The following ASAP1 variants were observed in gnomAD, a reference collection of about 807,000 sequenced individuals.
The protein encoded by ASAP1 is arf-GAP with SH3 domain, ANK repeat and PH domain-containing protein 1.
Under a neutral mutation model 145.2 loss-of-function variants are expected in ASAP1, and 43 were observed. That is an observed-to-expected ratio of 0.30 (90% CI 0.23 to 0.38). The LOEUF (loss-of-function observed/expected upper bound fraction) is 0.38, where lower values mean the gene tolerates loss of function less well. Ranked by LOEUF, ASAP1 falls within the 10% of genes least tolerant of loss-of-function variation. ASAP1 has a pLI of 1.00. For synonymous variants in ASAP1, 546 were observed against 515.5 expected (o/e 1.06, Z -0.80); for missense variants, 1,018 against 1,355.3 (o/e 0.75, Z 3.91).
intron 1 of ASAP1, among the ~76,000 whole-genome samples, chr8:130,426,701 G>A (rs1829932391): frequency 6.6e-6 from 1 of 152,164 alleles, no homozygotes; most frequent in Non-Finnish European, 1.5e-5. Flanking sequence ...AAACTGCCGT[G>A]TGCTCACTCC....
chr8:130,075,946 A>G (rs2097461367), intron 27 of ASAP1, among the ~76,000 whole-genome samples: 1 of 152,122 alleles, frequency 6.6e-6, no homozygotes, highest in South Asian at 2.1e-4. Context: ...ACGAAGTATT[A>G]TTTTCCCCAT....
chr8:130,308,076 G>A (rs566243061), intron 3 of ASAP1, among the ~76,000 whole-genome samples: 1 of 152,262 alleles, frequency 6.6e-6, no homozygotes, highest in Admixed American at 6.5e-5. Flanking sequence ...AATTTATAAT[G>A]TTATCACAAG....
intron 3 of ASAP1, among the ~76,000 whole-genome samples, chr8:130,268,354 G>C (rs1820384174): frequency 6.6e-6 from 1 of 151,996 alleles, no homozygotes; most frequent in African/African-American, 2.4e-5. Flanking sequence ...AGGTGTGATA[G>C]TGTGCACCTG....
chr8:130,151,623 A>AC (rs1189522003), intron 13 of ASAP1, among the ~76,000 whole-genome samples: 1 of 152,162 alleles, frequency 6.6e-6, no homozygotes, highest in African/African-American at 2.4e-5. Flanking sequence ...GGGGCAAGGG[A>AC]CAGAGACAAT....
At chr8:130,159,497 C>T (rs1279482922) in intron 12 of ASAP1, among the ~76,000 whole-genome samples, 3 of 149,682 alleles carry the variant, frequency 2.0e-5, no homozygotes, top group Non-Finnish European at 4.4e-5. Flanking sequence ...TGGCAGGCGC[C>T]TGCAGTCCCA....
At chr8:130,417,619 GA>G (rs796254952) in intron 1 of ASAP1, among the ~76,000 whole-genome samples, 5,834 of 134,152 alleles carry the variant, frequency 0.043, 127 homozygotes, top group Middle Eastern at 0.075. Flanking sequence ...GGCTTCAGGG[GA>G]AAAAAAAAAA....
At chr8:130,061,685 G>C (rs2097420006) in intron 27 of ASAP1, among the ~76,000 whole-genome samples, 1 of 152,086 alleles carries the variant, frequency 6.6e-6, no homozygotes, top group African/African-American at 2.4e-5. Context: ...GTTACATTTT[G>C]GTGATACACA....
chr8:130,188,723 CAAAAAA>C (rs370580190), intron 5 of ASAP1, among the ~76,000 whole-genome samples: 4 of 83,844 alleles, frequency 4.8e-5, no homozygotes, highest in African/African-American at 1.9e-4. Flanking sequence ...GAGACTCTCT[CAAAAAA>C]AAAAAAAAAA....
chr8:130,266,640 A>G (rs1312818434), intron 3 of ASAP1, among the ~76,000 whole-genome samples: 1 of 152,098 alleles, frequency 6.6e-6, no homozygotes, highest in African/African-American at 2.4e-5. Flanking sequence ...ACAATCTACC[A>G]TGGGAGAGAA....
chr8:130,074,477 A>ACG (rs2097457545), intron 27 of ASAP1, among the ~76,000 whole-genome samples: 1 of 149,838 alleles, frequency 6.7e-6, no homozygotes, highest in East Asian at 2.0e-4. Context: ...ACACACACAC[A>ACG]CACACACACA....
chr8:130,167,735 T>A, intron 10 of ASAP1, 113 bp from the exon 11 acceptor site: 1 of 730,172 alleles, frequency 1.4e-6, no homozygotes, highest in Non-Finnish European at 2.3e-6. Flanking sequence ...GTTTTCTTAC[T>A]AAAAGTCCTT....
intron 1 of ASAP1, among the ~76,000 whole-genome samples, chr8:130,406,269 A>C (rs949484722): frequency 6.6e-6 from 1 of 152,158 alleles, no homozygotes; most frequent in Non-Finnish European, 1.5e-5. Context: ...TTCATTCATT[A>C]TTCTTAAATT....
chr8:130,208,913 A>G (rs756271749), intron 5 of ASAP1, among the ~76,000 whole-genome samples: 30 of 152,032 alleles, frequency 2.0e-4, no homozygotes, highest in Non-Finnish European at 3.5e-4. Flanking sequence ...CATTTCATCT[A>G]TTTGCCATCC....
At chr8:130,190,510 T>C (rs1296065562) in intron 5 of ASAP1, among the ~76,000 whole-genome samples, 1 of 152,120 alleles carries the variant, frequency 6.6e-6, no homozygotes, top group Admixed American at 6.5e-5. Flanking sequence ...CACTGATTTA[T>C]GCATTTATTT....
chr8:130,385,779 C>A (rs1001804783), intron 2 of ASAP1, among the ~76,000 whole-genome samples: 1 of 152,248 alleles, frequency 6.6e-6, no homozygotes, highest in Non-Finnish European at 1.5e-5. Flanking sequence ...ACTCTCCCTA[C>A]ATCCAGTTAC....
At chr8:130,188,723 C>CAAAAA (rs370580190) in intron 5 of ASAP1, among the ~76,000 whole-genome samples, 931 of 81,792 alleles carry the variant, frequency 0.011, no homozygotes, top group Non-Finnish European at 0.012. Context: ...GAGACTCTCT[C>CAAAAA]AAAAAAAAAA....
intron 3 of ASAP1, among the ~76,000 whole-genome samples, chr8:130,297,376 G>A (rs917603668): frequency 2.0e-5 from 3 of 152,142 alleles, no homozygotes; most frequent in African/African-American, 4.8e-5. Context: ...TTCAATCCAC[G>A]TTTGGCTGAA....
intron 3 of ASAP1, among the ~76,000 whole-genome samples, chr8:130,241,368 C>T (rs765039258): frequency 5.9e-5 from 9 of 152,060 alleles, no homozygotes; most frequent in Non-Finnish European, 1.2e-4. Context: ...TTTGCTTTTA[C>T]GGTATTTTTC....
At chr8:130,202,719 G>A in intron 5 of ASAP1, among the ~76,000 whole-genome samples, 1 of 152,182 alleles carries the variant, frequency 6.6e-6, no homozygotes, top group East Asian at 1.9e-4. Flanking sequence ...AGGAATGAAT[G>A]AGTGAATGAA....
Sources: allele counts gnomAD v4.1 joint callset (sites outside exome capture counted in the v4.1 genomes callset), GRCh38; gene constraint gnomAD v4.1.1; transcripts MANE v1.5; gene names NCBI Gene and HGNC (gene_info 2026-07-23, HGNC 2026-07-21).